The following FAM135B variants were observed in gnomAD, a reference collection of about 807,000 sequenced individuals.
The protein encoded by FAM135B is protein FAM135B.
In FAM135B, 43 loss-of-function variants were observed where a neutral mutation model predicts 127.7. That is an observed-to-expected ratio of 0.34 (90% CI 0.26 to 0.43). The LOEUF (loss-of-function observed/expected upper bound fraction) is 0.43, where lower values mean the gene tolerates loss of function less well. FAM135B is among the 20% of genes least tolerant of loss of function. The pLI is 1.00. For missense variants in FAM135B, 1,558 were observed against 1,725.6 expected (o/e 0.90, Z 1.72); for synonymous variants, 670 against 665.1 (o/e 1.01, Z -0.11).
intron 1 of FAM135B, 68 bp from the exon 2 acceptor site, chr8:138,368,070 C>T: frequency 9.3e-7 from 1 of 1,077,216 alleles, no homozygotes; most frequent in Non-Finnish European, 1.4e-6. Context: ...CTGGCTTTTA[C>T]AACAGGAAAC....
At chr8:138,146,746 T>C (rs975119000) in intron 14 of FAM135B, among the ~76,000 whole-genome samples, 3 of 152,202 alleles carry the variant, frequency 2.0e-5, no homozygotes, top group Non-Finnish European at 4.4e-5. Flanking sequence ...ATATGAAGTA[T>C]AGTGAGGCAT....
chr8:138,299,643 C>CA (rs1825734950), intron 3 of FAM135B, among the ~76,000 whole-genome samples: 1 of 152,086 alleles, frequency 6.6e-6, no homozygotes, highest in Non-Finnish European at 1.5e-5. Context: ...GCTGCAGAGT[C>CA]AAAATTAATA....
At chr8:138,467,122 G>T (rs761351040) in intron 1 of FAM135B, among the ~76,000 whole-genome samples, 2 of 152,148 alleles carry the variant, frequency 1.3e-5, no homozygotes, top group African/African-American at 4.8e-5. Context: ...CCAGAAATAC[G>T]ATTGGAAGAT....
At chr8:138,163,334 G>C (rs935491510) in intron 12 of FAM135B, among the ~76,000 whole-genome samples, 7 of 152,158 alleles carry the variant, frequency 4.6e-5, no homozygotes, top group African/African-American at 1.7e-4. Context: ...GAGAGGCATG[G>C]TGTGGGTGTT....
chr8:138,399,903 C>T (rs147206956), intron 1 of FAM135B, among the ~76,000 whole-genome samples: 19 of 152,292 alleles, frequency 1.2e-4, no homozygotes, highest in African/African-American at 4.3e-4. Context: ...GCCATAATTG[C>T]AGAAGGTATC....
chr8:138,173,057 C>T (rs1814066708), intron 11 of FAM135B, among the ~76,000 whole-genome samples: 2 of 152,280 alleles, frequency 1.3e-5, no homozygotes, highest in South Asian at 4.1e-4. Flanking sequence ...GCGGGCTTTG[C>T]TTGGAAACCA....
intron 2 of FAM135B, among the ~76,000 whole-genome samples, chr8:138,347,683 A>T (rs2131097239): frequency 6.6e-6 from 1 of 152,204 alleles, no homozygotes. Context: ...CTGCTTGCTG[A>T]TCTCCAGAGG....
At chr8:138,477,701 T>C (rs1296765837) in intron 1 of FAM135B, among the ~76,000 whole-genome samples, 1 of 152,208 alleles carries the variant, frequency 6.6e-6, no homozygotes, top group Non-Finnish European at 1.5e-5. Flanking sequence ...CTTCCTCAGA[T>C]GCCCTTTTGG....
intron 1 of FAM135B, among the ~76,000 whole-genome samples, chr8:138,426,712 A>G (rs924310046): frequency 2.6e-5 from 4 of 151,958 alleles, no homozygotes; most frequent in Non-Finnish European, 5.9e-5. Flanking sequence ...TTAAGACAGG[A>G]TTAAGATATT....
intron 1 of FAM135B, among the ~76,000 whole-genome samples, chr8:138,384,037 A>G (rs1832033481): frequency 6.6e-6 from 1 of 152,206 alleles, no homozygotes; most frequent in Admixed American, 6.5e-5. Flanking sequence ...TTGTCTATAC[A>G]GCCAATGTGC....
chr8:138,453,730 G>C (rs1836623627), intron 1 of FAM135B, among the ~76,000 whole-genome samples: 1 of 152,118 alleles, frequency 6.6e-6, no homozygotes. Context: ...TCAGAGAGCA[G>C]GTCTTGGAGC....
chr8:138,243,544 G>A lies in FAM135B; in HGVS notation c.543-476C>T, dbSNP rs576567937. Among the ~76,000 whole-genome samples, 19 of 152,132 alleles carry A rather than the reference G, an allele frequency of 1.2e-4. No homozygotes were observed. Among genetic ancestry groups the A allele is most frequent in the Admixed American group, 3.9e-4 (6 of 15,266 alleles). ...CATGATCCGCATGAGAGTCTAATAC[G>A]ATGTCAAAGACTGTCATAAGCCAGA... On this transcript the variant is annotated intron_variant, in intron 6 of 19. Transcript: ENST00000395297. This position sits in a 1 kb window ranked among gnomAD's most constrained non-coding sequence, Gnocchi z 7.5.
rs184049663 is a variant in FAM135B, at chr8:138,393,357, G to T, written c.-19-25355C>A. On this transcript the variant is annotated intron_variant, in intron 1 of 19. Transcript: ENST00000395297. ...ATTCTGGAATCACCAGATTTAAAAG[G>T]GTAATCTTTGCTCCTATAGGACTTC... Among the ~76,000 whole-genome samples the T allele has an allele frequency of 2.0e-5, 3 of 151,966 alleles. No individual in the cohort carries two copies. The South Asian group carries it at 6.2e-4, about 32-fold the overall frequency.
At chr8:138,388,212 T>A (rs1832333132) in intron 1 of FAM135B, among the ~76,000 whole-genome samples, 1 of 152,112 alleles carries the variant, frequency 6.6e-6, no homozygotes, top group Admixed American at 6.5e-5. Context: ...TACATGTCGA[T>A]TAGAAGTGCC....
At chr8:138,466,923 G>T (rs1393789171) in intron 1 of FAM135B, among the ~76,000 whole-genome samples, 1 of 152,142 alleles carries the variant, frequency 6.6e-6, no homozygotes, top group Non-Finnish European at 1.5e-5. Context: ...TCAGTGAAAT[G>T]CTGACTATGA....
intron 3 of FAM135B, among the ~76,000 whole-genome samples, chr8:138,310,259 G>T (rs527685964): frequency 3.9e-4 from 59 of 152,196 alleles, no homozygotes; most frequent in Middle Eastern, 3.4e-3. Context: ...TTAATATTAT[G>T]TCTGTCTTTA....
intron 1 of FAM135B, among the ~76,000 whole-genome samples, chr8:138,448,342 T>C (rs751591439): frequency 1.3e-5 from 2 of 152,130 alleles, no homozygotes; most frequent in Non-Finnish European, 2.9e-5. Flanking sequence ...CATCAATCAG[T>C]TGAAGGCCCC....
At chr8:138,303,521 C>T (rs1000620223) in intron 3 of FAM135B, among the ~76,000 whole-genome samples, 8 of 152,042 alleles carry the variant, frequency 5.3e-5, no homozygotes, top group African/African-American at 9.7e-5. Context: ...TTGGTAGGTG[C>T]GGCAAACCAC....
intron 1 of FAM135B, among the ~76,000 whole-genome samples, chr8:138,387,690 C>T (rs533150767): frequency 6.6e-6 from 1 of 152,182 alleles, no homozygotes; most frequent in African/African-American, 2.4e-5. Flanking sequence ...CTGTTATTAC[C>T]CAATTCCACA....
Sources: allele counts gnomAD v4.1 joint callset (sites outside exome capture counted in the v4.1 genomes callset), GRCh38; gene constraint gnomAD v4.1.1; non-coding constraint Gnocchi (gnomAD v3.1); transcripts MANE v1.5; gene names NCBI Gene and HGNC (gene_info 2026-07-23, HGNC 2026-07-21).